Variants in SMARCA2 observed in about 807,000 individuals in gnomAD.
SMARCA2 encodes SWI/SNF related BAF chromatin remodeling complex subunit ATPase 2, also known as SWI/SNF-related matrix-associated actin-dependent regulator of chromatin subfamily A member 2.
A neutral mutation model predicts 199.8 loss-of-function variants in SMARCA2; 61 were observed. That is an observed-to-expected ratio of 0.31 (90% CI 0.25 to 0.38). SMARCA2 has a LOEUF of 0.38. Ranked by LOEUF, SMARCA2 falls within the 10% of genes least tolerant of loss-of-function variation. The pLI is 1.00. For synonymous variants in SMARCA2, 935 were observed against 732.0 expected, an observed-to-expected ratio of 1.28 and a Z score of -4.48; for missense variants, 1,344 against 2,012.2, an observed-to-expected ratio of 0.67 and a Z score of 6.35.
At chr9:2,063,079 T>C (rs1820675109) in intron 9 of SMARCA2, among the ~76,000 whole-genome samples, 1 of 152,176 alleles carries the variant, frequency 6.6e-6, no homozygotes, top group Non-Finnish European at 1.5e-5. Context: ...CATCTACCCT[T>C]CCTTGCATGC....
chr9:2,091,515 G>A (rs946658702), intron 19 of SMARCA2, among the ~76,000 whole-genome samples: 5 of 152,074 alleles, frequency 3.3e-5, no homozygotes, highest in Admixed American at 3.3e-4. Flanking sequence ...TGACATTTGG[G>A]TCATTTCTAG....
At chr9:2,054,840 A>T in intron 6 of SMARCA2, 117 bp downstream of exon 6, 1 of 1,019,832 alleles carries the variant, frequency 9.8e-7, no homozygotes, top group East Asian at 2.7e-5. Flanking sequence ...AAAGATATAA[A>T]TATAGTAAAA....
At chr9:2,037,155 G>A (rs1052108239) in intron 3 of SMARCA2, among the ~76,000 whole-genome samples, 2 of 152,170 alleles carry the variant, frequency 1.3e-5, no homozygotes, top group Non-Finnish European at 2.9e-5. Context: ...TTGTACTAGC[G>A]TTACAACTAG....
intron 29 of SMARCA2, among the ~76,000 whole-genome samples, chr9:2,174,924 CAAAAAAAAAAAAAAAA>C (rs61327057): frequency 1.4e-4 from 9 of 62,320 alleles, no homozygotes. Context: ...GACCCTCTCT[CAAAAAAAAAAAAAAAA>C]AAAAAAAAAA....
At chr9:2,031,716 C>T (rs1819078756) in intron 2 of SMARCA2, among the ~76,000 whole-genome samples, 1 of 152,106 alleles carries the variant, frequency 6.6e-6, no homozygotes, top group Non-Finnish European at 1.5e-5. Context: ...TTTTGCCATC[C>T]TGCTTCTCCT....
At chr9:2,189,432 C>T (rs1309837800) in intron 32 of SMARCA2, among the ~76,000 whole-genome samples, 1 of 152,060 alleles carries the variant, frequency 6.6e-6, no homozygotes, top group African/African-American at 2.4e-5. Context: ...CATTTTCTTA[C>T]CCCTATTGCC....
At chr9:2,097,682 A>G (rs533588416) in intron 21 of SMARCA2, among the ~76,000 whole-genome samples, 19 of 152,340 alleles carry the variant, frequency 1.2e-4, no homozygotes, top group African/African-American at 4.6e-4. Flanking sequence ...GCATTTGAGC[A>G]TCTGGAATTT....
chr9:2,142,561 A>T (rs1401201410), intron 27 of SMARCA2, among the ~76,000 whole-genome samples: 1 of 152,182 alleles, frequency 6.6e-6, no homozygotes, highest in Non-Finnish European at 1.5e-5. Context: ...CTAGTGCAGG[A>T]GGTCAGTCCA....
In SMARCA2 at chr9:2,123,973, G is replaced by C; in HGVS notation, c.3981+36G>C. ...CTTTTCTAACCCGCTCTCACTAGGT[G>C]GAGGGTTTTTGGTGGCTTGGAGAAA... On this transcript the variant is annotated intron_variant, in intron 27 of 33. Coordinates refer to ENST00000349721, the MANE Select transcript of SMARCA2 (RefSeq NM_003070.5). The surrounding 1 kb of genome is among the most constrained non-coding windows in gnomAD (Gnocchi z 4.1). 1 of 1,521,394 alleles carries C rather than the reference G, an allele frequency of 6.6e-7. No homozygotes were observed. 94.2% of individuals were successfully genotyped at this position (1,521,394 alleles called of 1,614,324 possible). A position where few individuals can be genotyped will look rare whatever the true frequency, so the allele number is the denominator to read the frequency against.
chr9:2,166,861 A>G (rs1326173555), intron 28 of SMARCA2, among the ~76,000 whole-genome samples: 1 of 152,188 alleles, frequency 6.6e-6, no homozygotes, highest in Non-Finnish European at 1.5e-5. Flanking sequence ...TAAAACCATG[A>G]TACACCATGG....
At chr9:2,173,726 A>C (rs1353386402) in intron 29 of SMARCA2, among the ~76,000 whole-genome samples, 1 of 152,120 alleles carries the variant, frequency 6.6e-6, no homozygotes, top group Non-Finnish European at 1.5e-5. Context: ...TTCCCAGTAC[A>C]GCCAGAGGCC....
chr9:2,082,063 C>T (rs539034381), intron 15 of SMARCA2, 68 bp downstream of exon 15: 10 of 1,332,324 alleles, frequency 7.5e-6, no homozygotes, highest in Non-Finnish European at 1.0e-5. Context: ...AGTAGCTTGT[C>T]CTTGTTTTTT....
At position 2,161,799 on chromosome 9, in the gene SMARCA2, GAA is replaced by G; in HGVS notation, c.4096_4097del (p.Lys1366GlufsTer8). 1 of 1,614,032 alleles carries G rather than the reference GAA, an allele frequency of 6.2e-7. No individual in the cohort carries two copies. The highest frequency in any genetic ancestry group is 8.5e-7 in the Non-Finnish European group (1 of 1,179,942). ...CAAAAGAAGATGTGGAAAAAGCTAA[GAA>G]GAGAAGAGGCCGCCCTCCCGCTGAG... ...PAKEDVEKAK[K>X]RRGRPPAEKL... On this transcript the variant is annotated frameshift_variant, in exon 28 of 34. Coordinates refer to ENST00000349721, the MANE Select transcript of SMARCA2 (RefSeq NM_003070.5). LOFTEE classifies it high-confidence loss of function. This position sits in a 1 kb window ranked among gnomAD's most constrained non-coding sequence, Gnocchi z 4.7.
rs1563841517 is a variant in SMARCA2, at chr9:2,186,108, T to G, written c.4474T>G (p.Ser1492Ala). ...NLEGSQIYED[S>A]IVLQSVFKSA... ...TTTGACCATTTAGATCTATGAAGAC[T>G]CCATCGTCTTACAGTCAGTGTTTAA... is the stretch of plus-strand genomic sequence containing the variant. The change falls in exon 32 of 34, where the codon TCC (serine) becomes GCC (alanine). Residue 1492 changes from serine to alanine, a missense_variant. By Grantham distance (99) the Ser-to-Ala change is moderately conservative. This residue lies in a region of SMARCA2 where 155 missense variants were observed against 121.1 expected (regional missense o/e 1.28). Coordinates refer to ENST00000349721, the MANE Select transcript of SMARCA2 (RefSeq NM_003070.5). The G allele has an allele frequency of 6.2e-7, 1 of 1,613,950 alleles. No individual in the cohort carries two copies. The highest frequency in any genetic ancestry group is 8.5e-7 in the Non-Finnish European group (1 of 1,179,856).
rs545476085 is a variant in SMARCA2 at position 2,137,984 on chromosome 9, G to C, written c.3981+14047G>C. On this transcript the variant is annotated intron_variant, in intron 27 of 33. Coordinates refer to ENST00000349721, the MANE Select transcript of SMARCA2 (RefSeq NM_003070.5). ...AATAATTCTAAAGGCACACATTTTT[G>C]ATGTAACAGTGCTTTTGAGCTTTAA... Among the ~76,000 whole-genome samples the C allele has an allele frequency of 2.6e-5, 4 of 152,240 alleles. No individual in the cohort carries two copies. The East Asian group carries it at 7.7e-4, about 29-fold the overall frequency.
intron 3 of SMARCA2, among the ~76,000 whole-genome samples, chr9:2,033,547 C>T (rs1819167516): frequency 6.6e-6 from 1 of 152,232 alleles, no homozygotes; most frequent in African/African-American, 2.4e-5. Flanking sequence ...GAATTGCATG[C>T]TTATCCATTG....
chr9:2,090,036 G>A (rs1821984762), intron 19 of SMARCA2, among the ~76,000 whole-genome samples: 1 of 151,960 alleles, frequency 6.6e-6, no homozygotes, highest in Non-Finnish European at 1.5e-5. Context: ...AAAATATATT[G>A]CAAGTTGAAA....
intron 19 of SMARCA2, among the ~76,000 whole-genome samples, chr9:2,091,436 A>G (rs1236536182): frequency 2.0e-5 from 3 of 152,150 alleles, no homozygotes; most frequent in African/African-American, 7.2e-5. Context: ...ATGTTGTTGC[A>G]TGTATCAATA....
At chr9:2,187,463 G>T (rs1046246996) in intron 32 of SMARCA2, among the ~76,000 whole-genome samples, 36 of 152,120 alleles carry the variant, frequency 2.4e-4, no homozygotes, top group African/African-American at 8.5e-4. Context: ...CTTGAGGCTA[G>T]GAGTTCAAGA....
Sources: gnomAD v4.1 joint callset for allele counts (sites outside exome capture counted in the v4.1 genomes callset) on GRCh38, gnomAD v4.1.1 for gene constraint, gnomAD v4.1.1 regional missense constraint, Gnocchi (gnomAD v3.1) non-coding constraint, MANE v1.5 for transcripts, NCBI Gene and HGNC (gene_info 2026-07-23, HGNC 2026-07-21) for gene names.